The following CA5A variants were observed in gnomAD, a reference collection of about 807,000 sequenced individuals.
The protein encoded by CA5A is carbonic anhydrase 5A.
CA5A carries 28 observed loss-of-function variants against 37.1 expected under a neutral mutation model. The ratio of observed to expected loss-of-function variants is 0.75; its 90% confidence interval spans 0.56 to 1.03. The LOEUF (loss-of-function observed/expected upper bound fraction) is 1.03, where lower values mean the gene tolerates loss of function less well. CA5A is among the 50% of genes least tolerant of loss of function. The probability of loss-of-function intolerance (pLI) is 0.00; values close to 1 mark genes in which losing one functional copy is unlikely to be tolerated. For missense variants in CA5A, 444 were observed against 399.9 expected, an observed-to-expected ratio of 1.11 and a Z score of -0.94; for synonymous variants, 171 against 158.4, an observed-to-expected ratio of 1.08 and a Z score of -0.60.
Position 87,911,143 on chromosome 16 carries a change from G to A in CA5A, c.341-6239C>T, listed in dbSNP as rs2056045208. Among the ~76,000 whole-genome samples, 1 of 150,680 alleles carries A rather than the reference G, an allele frequency of 6.6e-6. No individual in the cohort carries two copies. Among genetic ancestry groups the A allele is most frequent in the African/African-American group, 2.5e-5 (1 of 40,672 alleles). On this transcript the variant is annotated intron_variant, in intron 2 of 6. Transcript: ENST00000649794. This position sits in a 1 kb window ranked among gnomAD's most constrained non-coding sequence, Gnocchi z 4.6. ...AAAGGCAAGCCCAATTCACGAAAAG[G>A]GGTCTTTAAGCTGCCAGCCCCCATC...
At chr16:87,912,427 C>A (rs529545081) in intron 2 of CA5A, among the ~76,000 whole-genome samples, 2 of 152,298 alleles carry the variant, frequency 1.3e-5, no homozygotes, top group Non-Finnish European at 2.9e-5. Context: ...GAGACCTGCA[C>A]GTAAAGACGT....
At chr16:87,917,527 C>G (rs2056163932) in intron 2 of CA5A, among the ~76,000 whole-genome samples, 1 of 152,232 alleles carries the variant, frequency 6.6e-6, no homozygotes, top group South Asian at 2.1e-4. Flanking sequence ...CAAAAATATT[C>G]ACACCCAGGC....
intron 1 of CA5A, among the ~76,000 whole-genome samples, chr16:87,931,533 C>T (rs1423699575): frequency 6.6e-6 from 1 of 152,208 alleles, no homozygotes; most frequent in East Asian, 1.9e-4. Flanking sequence ...TTACCACCTT[C>T]TCCCAGTCTC....
chr16:87,917,602 AC>A (rs1258875378), intron 2 of CA5A, among the ~76,000 whole-genome samples: 2 of 152,080 alleles, frequency 1.3e-5, no homozygotes, highest in African/African-American at 2.4e-5. Context: ...ACACATGCAC[AC>A]ACCACACATG....
Position 87,926,175 on chromosome 16 carries a change from C to T in CA5A, c.340+573G>A, listed in dbSNP as rs758455285. Among the ~76,000 whole-genome samples, 6 of 152,094 alleles carry T rather than the reference C, an allele frequency of 3.9e-5. No homozygotes were observed. The East Asian group carries it at 7.7e-4, about 20-fold the overall frequency. ...CAGAGGTTGCAGTGAGCTGAGATTG[C>T]GCCATGGCACTCCATCCTGAATGAC... On this transcript the variant is annotated intron_variant, in intron 2 of 6. Coordinates refer to ENST00000649794, the MANE Select transcript of CA5A (RefSeq NM_001739.2).
chr16:87,907,823 G>A (rs995918325), intron 2 of CA5A, among the ~76,000 whole-genome samples: 2 of 152,232 alleles, frequency 1.3e-5, no homozygotes, highest in African/African-American at 4.8e-5. Context: ...CTACTTGGGA[G>A]GCTGAGGCAG....
intron 5 of CA5A, among the ~76,000 whole-genome samples, chr16:87,898,195 G>T (rs57970119): frequency 0.02 from 3,053 of 152,314 alleles, 108 homozygotes; most frequent in African/African-American, 0.069. Flanking sequence ...GGGACTACGT[G>T]ACTCTGGTCT....
chr16:87,886,348 C>T (rs1332367145), downstream of CA5A: 4 of 152,092 alleles, frequency 2.6e-5, no homozygotes, highest in Non-Finnish European at 5.9e-5. Context: ...GGGGTTTCTC[C>T]ATGTTGGTCA....
intron 2 of CA5A, among the ~76,000 whole-genome samples, chr16:87,909,543 G>A (rs1304537568): frequency 1.3e-5 from 2 of 152,246 alleles, no homozygotes; most frequent in Non-Finnish European, 2.9e-5. Flanking sequence ...GCGGCCCCTG[G>A]TGGCAGTTCG....
chr16:87,928,746 ATTTTCTTTTCT>A (rs1214897022), intron 1 of CA5A, among the ~76,000 whole-genome samples: 1 of 54,920 alleles, frequency 1.8e-5, no homozygotes, highest in Non-Finnish European at 4.0e-5. Context: ...CATCTGGATT[ATTTTCTTTTCT>A]TTGTTTTTTT....
chr16:87,935,110 T>C (rs2056454252), intron 1 of CA5A, among the ~76,000 whole-genome samples: 1 of 152,198 alleles, frequency 6.6e-6, no homozygotes, highest in African/African-American at 2.4e-5. Flanking sequence ...AGGCTCCACC[T>C]CAGCAAGCGT....
At chr16:87,887,863 C>G, downstream of CA5A, 1 of 374,236 alleles carries the variant, frequency 2.7e-6, no homozygotes, top group East Asian at 4.6e-5. Context: ...TTTAATCCAC[C>G]AAGTTTGTGG....
chr16:87,922,452 A>T (rs979984339), intron 2 of CA5A, among the ~76,000 whole-genome samples: 1 of 152,208 alleles, frequency 6.6e-6, no homozygotes, highest in African/African-American at 2.4e-5. Flanking sequence ...CCTTGGGGAT[A>T]CAGAAACATC....
At chr16:87,897,621 C>T (rs1357922246) in intron 5 of CA5A, among the ~76,000 whole-genome samples, 1 of 152,212 alleles carries the variant, frequency 6.6e-6, no homozygotes, top group Non-Finnish European at 1.5e-5. Flanking sequence ...CAGAAATGTG[C>T]AGCAGGGGCT....
At chr16:87,913,314 T>C (rs2056079486) in intron 2 of CA5A, among the ~76,000 whole-genome samples, 3 of 151,012 alleles carry the variant, frequency 2.0e-5, no homozygotes, top group Admixed American at 2.0e-4. Context: ...TCTTTTTTTT[T>C]TTTTTGAGTC....
chr16:87,927,747 G>C (rs908157551), intron 1 of CA5A, among the ~76,000 whole-genome samples: 6 of 151,804 alleles, frequency 4.0e-5, no homozygotes, highest in African/African-American at 1.5e-4. Context: ...TGTAATCCCA[G>C]GTACTCAGGA....
intron 1 of CA5A, among the ~76,000 whole-genome samples, chr16:87,934,074 A>G (rs2056440589): frequency 6.6e-6 from 1 of 152,200 alleles, no homozygotes; most frequent in South Asian, 2.1e-4. Flanking sequence ...AAATGCTTAA[A>G]TAGACACAGG....
intron 2 of CA5A, among the ~76,000 whole-genome samples, chr16:87,908,517 G>A (rs2055998382): frequency 2.6e-5 from 4 of 152,162 alleles, no homozygotes; most frequent in African/African-American, 7.2e-5. Context: ...CAAAGAGAGC[G>A]ACGCCAACTG....
chr16:87,903,364 G>A (rs1197214332), intron 3 of CA5A, among the ~76,000 whole-genome samples: 1 of 152,026 alleles, frequency 6.6e-6, no homozygotes, highest in Non-Finnish European at 1.5e-5. Context: ...CTGGGCAGCA[G>A]AGGTTGCAGT....
Sources: allele counts gnomAD v4.1 joint callset (sites outside exome capture counted in the v4.1 genomes callset), GRCh38; gene constraint gnomAD v4.1.1; non-coding constraint Gnocchi (gnomAD v3.1); transcripts MANE v1.5; gene names NCBI Gene and HGNC (gene_info 2026-07-23, HGNC 2026-07-21).